The following NUAK1 variants were observed in gnomAD, a reference collection of about 807,000 sequenced individuals.
NUAK1 encodes NUAK family kinase 1.
A neutral mutation model predicts 56.9 loss-of-function variants in NUAK1; 26 were observed. The ratio of observed to expected loss-of-function variants is 0.46; its 90% CI spans 0.33 to 0.63. NUAK1 has a LOEUF of 0.63. Among genes scored for constraint, NUAK1 ranks in the 30% least tolerant of loss-of-function variants. The pLI, the probability that NUAK1 is intolerant of heterozygous loss-of-function variation, is 0.02. For missense variants in NUAK1, 727 were observed against 876.1 expected (o/e 0.83, Z 2.15); for synonymous variants, 337 against 336.0 (o/e 1.00, Z -0.03).
chr12:106,121,435 C>G (rs1195249243), intron 1 of NUAK1, among the ~76,000 whole-genome samples: 2 of 152,236 alleles, frequency 1.3e-5, no homozygotes, highest in Admixed American at 1.3e-4. Context: ...TAAGGGGTCT[C>G]CTGTCTTTCT....
Position 106,138,898 on chromosome 12 carries a change from G to T in NUAK1, c.-245C>A. 1 of 411,800 alleles carries T rather than the reference G, an allele frequency of 2.4e-6. No individual in the cohort carries two copies. Among genetic ancestry groups the T allele is most frequent in the Non-Finnish European group, 4.1e-6 (1 of 245,932 alleles). The allele number at this position is 411,800 out of a possible 1,614,324, so 25.5% of individuals were successfully genotyped here. A position where few individuals can be genotyped will look rare whatever the true frequency, so the allele number is the denominator to read the frequency against. On this transcript the variant is annotated 5_prime_UTR_variant, in exon 1 of 7. Coordinates refer to ENST00000261402, the MANE Select transcript of NUAK1 (RefSeq NM_014840.3). This position sits in a 1 kb window ranked among gnomAD's most constrained non-coding sequence, Gnocchi z 5.0. The stretch of plus-strand genomic sequence containing the variant: ...CGCGGCGAGCTGTGGAGCGTCGGGC[G>T]AGGTGGCGGCGGTGGCAGGGGAGGC...
At chr12:106,105,435 C>T (rs75548469) in intron 2 of NUAK1, among the ~76,000 whole-genome samples, 4,052 of 152,052 alleles carry the variant, frequency 0.027, 80 homozygotes, top group African/African-American at 0.054. Flanking sequence ...AAGTGTTTGG[C>T]AAAAGAAATT....
At chr12:106,069,898 T>C (rs1254602559) in intron 6 of NUAK1, among the ~76,000 whole-genome samples, 1 of 152,178 alleles carries the variant, frequency 6.6e-6, no homozygotes, top group Non-Finnish European at 1.5e-5. Flanking sequence ...ACACACTCTC[T>C]ATACAGGCAT....
chr12:106,063,576 C>T lies in NUAK1; in HGVS notation c.*3226G>A, dbSNP rs557614461. On this transcript the variant is annotated 3_prime_UTR_variant, in exon 7 of 7. Coordinates refer to ENST00000261402, the MANE Select transcript of NUAK1 (RefSeq NM_014840.3). ...TTACACCAATATATTATTATAATAC[C>T]TTTGAAATGCCTTTCAGACCAATAA... The T allele has an allele frequency of 6.6e-6, 1 of 152,406 alleles. No homozygotes were observed. Among genetic ancestry groups the T allele is most frequent in the East Asian group, 1.9e-4 (1 of 5,178 alleles). 9.4% of individuals were successfully genotyped at this position (152,406 alleles called of 1,614,324 possible).
At chr12:106,086,654 C>T in intron 3 of NUAK1, 80 bp downstream of exon 3, 1 of 1,446,680 alleles carries the variant, frequency 6.9e-7, no homozygotes, top group East Asian at 2.3e-5. Flanking sequence ...GAACAGATAT[C>T]ACTTTTATAA....
At chr12:106,101,289 G>A (rs768620103) in intron 2 of NUAK1, among the ~76,000 whole-genome samples, 26 of 152,364 alleles carry the variant, frequency 1.7e-4, no homozygotes, top group Non-Finnish European at 3.4e-4. Flanking sequence ...AAGGGGACCA[G>A]GAGACCCATA....
rs989344040 is a variant in NUAK1 at position 106,102,397 on chromosome 12, G to A, written c.361+4008C>T. ...GTTCTGCAGCTATGCTGTCCCATAT[G>A]GTAGCCACTAGCCTCCTGTGGCTAC... On this transcript the variant is annotated intron_variant, in intron 2 of 6. Transcript: ENST00000261402. Among the ~76,000 whole-genome samples, 3 of 152,332 alleles carry A rather than the reference G, an allele frequency of 2.0e-5. 1 individual carries two copies. The highest frequency in any genetic ancestry group is 7.2e-5 in the African/African-American group (3 of 41,574).
intron 2 of NUAK1, 163 bp downstream of exon 2, chr12:106,106,242 G>C (rs2032798466): frequency 1.7e-6 from 1 of 590,482 alleles, no homozygotes; most frequent in Admixed American, 3.2e-5. Flanking sequence ...GTCTGGTTGT[G>C]TTCAAGGTAA....
At chr12:106,097,183 C>T (rs1395303454) in intron 2 of NUAK1, among the ~76,000 whole-genome samples, 1 of 152,162 alleles carries the variant, frequency 6.6e-6, no homozygotes, top group Non-Finnish European at 1.5e-5. Flanking sequence ...GACAAGGAAA[C>T]AGCCTCAGAG....
intron 2 of NUAK1, chr12:106,104,004 T>C (rs2032774482): frequency 6.6e-6 from 1 of 152,142 alleles, no homozygotes; most frequent in Non-Finnish European, 1.5e-5. Flanking sequence ...CAGTTCGTTA[T>C]AGCAGCATGA....
chr12:106,137,014 T>G (rs2033135613), intron 1 of NUAK1, among the ~76,000 whole-genome samples: 2 of 152,208 alleles, frequency 1.3e-5, no homozygotes, highest in Admixed American at 1.3e-4. Context: ...GAGCCAGCTT[T>G]AAAAAGAAAT....
chr12:106,086,991 A>C (rs1443094529), intron 2 of NUAK1, 106 bp from the exon 3 acceptor site: 6 of 1,411,796 alleles, frequency 4.2e-6, no homozygotes, highest in Non-Finnish European at 5.8e-6. Flanking sequence ...CAGGCAGAGG[A>C]TCGACTGATG....
chr12:106,070,681 G>T, intron 6 of NUAK1, 93 bp downstream of exon 6: 1 of 1,503,980 alleles, frequency 6.6e-7, no homozygotes, highest in Non-Finnish European at 9.2e-7. Context: ...GGTGACTCCA[G>T]ACAGACATAC....
At chr12:106,099,126 T>C (rs538964934) in intron 2 of NUAK1, among the ~76,000 whole-genome samples, 6 of 152,258 alleles carry the variant, frequency 3.9e-5, no homozygotes, top group African/African-American at 1.4e-4. Flanking sequence ...TTACACAGAG[T>C]TGACAAATTT....
At chr12:106,137,589 C>T (rs1179047322) in intron 1 of NUAK1, among the ~76,000 whole-genome samples, 1 of 152,216 alleles carries the variant, frequency 6.6e-6, no homozygotes, top group African/African-American at 2.4e-5. Flanking sequence ...AGACAGACCC[C>T]AAGGCACTCA....
At chr12:106,074,722 C>T (rs1017934287) in intron 4 of NUAK1, among the ~76,000 whole-genome samples, 15 of 152,078 alleles carry the variant, frequency 9.9e-5, no homozygotes, top group Non-Finnish European at 1.6e-4. Flanking sequence ...TGAATACCAC[C>T]GAGGCTCTGT....
At chr12:106,111,879 A>G (rs2032862571) in intron 1 of NUAK1, among the ~76,000 whole-genome samples, 2 of 145,970 alleles carry the variant, frequency 1.4e-5, no homozygotes, top group Non-Finnish European at 3.0e-5. Flanking sequence ...AAAGATAAAT[A>G]TTTCCCAAAG....
chr12:106,135,348 C>T (rs1264557076), intron 1 of NUAK1, among the ~76,000 whole-genome samples: 1 of 152,232 alleles, frequency 6.6e-6, no homozygotes, highest in Non-Finnish European at 1.5e-5. Context: ...AGGAGAGTGC[C>T]TGGACGACAC....
intron 1 of NUAK1, among the ~76,000 whole-genome samples, chr12:106,116,158 A>G (rs1165293473): frequency 1.3e-5 from 2 of 152,216 alleles, no homozygotes; most frequent in Non-Finnish European, 2.9e-5. Flanking sequence ...TACAGTATAT[A>G]CAAAAAAGCT....
Sources: gnomAD v4.1 joint callset for allele counts (sites outside exome capture counted in the v4.1 genomes callset) on GRCh38, gnomAD v4.1.1 for gene constraint, Gnocchi (gnomAD v3.1) non-coding constraint, MANE v1.5 for transcripts, NCBI Gene and HGNC (gene_info 2026-07-23, HGNC 2026-07-21) for gene names.